The following C14orf39 variants were observed in gnomAD, a reference collection of about 807,000 sequenced individuals.
C14orf39 encodes the protein chromosome 14 open reading frame 39.
C14orf39 carries 66 observed loss-of-function variants against 85.6 expected under a neutral mutation model. The ratio of observed to expected loss-of-function variants is 0.77; its 90% CI spans 0.63 to 0.95. The LOEUF (loss-of-function observed/expected upper bound fraction) is 0.95, where lower values mean the gene tolerates loss of function less well. C14orf39 is among the 40% of genes least tolerant of loss of function. C14orf39 has a pLI of 0.00. For missense variants in C14orf39, 735 were observed against 663.9 expected (o/e 1.11, Z -1.18); for synonymous variants, 242 against 214.0 (o/e 1.13, Z -1.14).
chr14:60,462,731 G>A (rs1055184669), intron 11 of C14orf39, among the ~76,000 whole-genome samples: 5 of 151,934 alleles, frequency 3.3e-5, no homozygotes, highest in African/African-American at 1.2e-4. Flanking sequence ...CTCTGACTGC[G>A]GCCCAACACA....
chr14:60,501,373 T>G (rs1338589678), intron 1 of C14orf39, among the ~76,000 whole-genome samples: 1 of 143,300 alleles, frequency 7.0e-6, no homozygotes, highest in East Asian at 2.2e-4. Context: ...AGTTTTCACA[T>G]CCACACATCC....
upstream of C14orf39, among the ~76,000 whole-genome samples, chr14:60,488,517 T>C (rs1892938292): frequency 6.6e-6 from 1 of 152,194 alleles, no homozygotes; most frequent in Admixed American, 6.5e-5. Flanking sequence ...TCTGGGAAAG[T>C]ACTCCCACAA....
intron 1 of C14orf39, chr14:60,511,324 A>C: frequency 1.3e-6 from 2 of 1,511,210 alleles, no homozygotes; most frequent in Non-Finnish European, 1.8e-6. Flanking sequence ...AGAGGGGAAG[A>C]AGATGAGAGA....
At chr14:60,461,465 A>C in intron 12 of C14orf39, 43 bp downstream of exon 12, 1 of 1,571,028 alleles carries the variant, frequency 6.4e-7, no homozygotes, top group Non-Finnish European at 8.7e-7. Context: ...ATATCTATAA[A>C]TTATTTCAGA....
At chr14:60,459,833 TAGA>T (rs1210670018) in intron 13 of C14orf39, among the ~76,000 whole-genome samples, 2 of 151,768 alleles carry the variant, frequency 1.3e-5, no homozygotes, top group African/African-American at 4.8e-5. Flanking sequence ...TCTTCATTTG[TAGA>T]AGTTCTTTAC....
At chr14:60,446,147 A>G (rs138556009) in intron 16 of C14orf39, among the ~76,000 whole-genome samples, 2 of 152,330 alleles carry the variant, frequency 1.3e-5, no homozygotes, top group East Asian at 3.9e-4. Flanking sequence ...ATCAAAATTA[A>G]AAGAGCTAGA....
At position 60,483,813 on chromosome 14, in the gene C14orf39, G is replaced by A. The variant is rs1361033482; in HGVS notation, c.111C>T (p.Cys37=). The change falls in exon 4 of 18, where the codon TGC becomes TGT. Residue 37 remains cysteine (C), a synonymous_variant. Transcript: ENST00000321731. ...CTTTGTTTTCCTTAATATCTTCACA[G>A]CATTCTACAAAGAGAAAATGTTTAT... The part of the protein sequence containing the change: ...KEEMIQRINK[C]CEDIKENKVT... The A allele has an allele frequency of 2.7e-6, 4 of 1,489,012 alleles. No homozygotes were observed. The Admixed American group carries it at 5.6e-5, about 21-fold the overall frequency. 92.2% of individuals were successfully genotyped at this position (1,489,012 alleles called of 1,614,324 possible).
In C14orf39 at chr14:60,484,958, G is replaced by A; in HGVS notation, c.50-21C>T. ...GAAGACTAAAATAAATAATTATCTTGTGACTTCAATTCATTGTTAAAATAT... is the reference window on the plus strand; with the variant it reads ...GAAGACTAAAATAAATAATTATCTTATGACTTCAATTCATTGTTAAAATAT... On this transcript the variant is annotated intron_variant, in intron 2 of 17. Coordinates refer to ENST00000321731, the MANE Select transcript of C14orf39 (RefSeq NM_174978.3). This position sits in a 1 kb window ranked among gnomAD's most constrained non-coding sequence, Gnocchi z 4.2. 3 of 1,577,074 alleles carry A rather than the reference G, an allele frequency of 1.9e-6. No homozygotes were observed. The highest frequency in any genetic ancestry group is 2.6e-6 in the Non-Finnish European group (3 of 1,160,704).
At chr14:60,501,628 G>A (rs1893149977) in intron 1 of C14orf39, among the ~76,000 whole-genome samples, 1 of 152,206 alleles carries the variant, frequency 6.6e-6, no homozygotes, top group Non-Finnish European at 1.5e-5. Flanking sequence ...GCAGCCACAG[G>A]AAACAAATAC....
intron 17 of C14orf39, among the ~76,000 whole-genome samples, chr14:60,440,947 C>T: frequency 6.6e-6 from 1 of 152,152 alleles, no homozygotes; most frequent in Non-Finnish European, 1.5e-5. Context: ...TTCCTGACTC[C>T]TTGCAATACG....
intron 9 of C14orf39, 81 bp from the exon 10 acceptor site, chr14:60,467,125 C>T (rs1171527423): frequency 9.2e-6 from 6 of 653,822 alleles, no homozygotes; most frequent in East Asian, 3.8e-5. Flanking sequence ...TATTTAGATA[C>T]TATATAATAA....
chr14:60,440,228 T>C (rs544277470), intron 17 of C14orf39, among the ~76,000 whole-genome samples: 1 of 152,346 alleles, frequency 6.6e-6, no homozygotes, highest in Non-Finnish European at 1.5e-5. Flanking sequence ...GAAATTCATA[T>C]GTACAATTTC....
chr14:60,514,289 C>T (rs1020094984), intron 1 of C14orf39, among the ~76,000 whole-genome samples: 1 of 152,160 alleles, frequency 6.6e-6, no homozygotes, highest in Non-Finnish European at 1.5e-5. Context: ...TTGGCAAAAT[C>T]TCTATATAAT....
At chr14:60,510,808 G>T (rs1260851887) in intron 1 of C14orf39, among the ~76,000 whole-genome samples, 1 of 152,220 alleles carries the variant, frequency 6.6e-6, no homozygotes, top group African/African-American at 2.4e-5. Flanking sequence ...CAACAAACAG[G>T]GAGGACACTG....
intron 5 of C14orf39, among the ~76,000 whole-genome samples, chr14:60,476,237 C>A (rs1054061723): frequency 1.3e-5 from 2 of 152,162 alleles, no homozygotes; most frequent in Non-Finnish European, 2.9e-5. Flanking sequence ...GTCACCAGTT[C>A]CAGGTGAGAT....
chr14:60,441,288 T>A (rs1448569241), intron 17 of C14orf39, among the ~76,000 whole-genome samples: 1 of 152,170 alleles, frequency 6.6e-6, no homozygotes, highest in Non-Finnish European at 1.5e-5. Context: ...TGTTTCAAGG[T>A]GACCTACATG....
At chr14:60,442,286 C>T (rs1890557001) in intron 16 of C14orf39, among the ~76,000 whole-genome samples, 155 bp from the exon 17 acceptor site, 1 of 152,154 alleles carries the variant, frequency 6.6e-6, no homozygotes, top group South Asian at 2.1e-4. Context: ...TTAAAAAGAT[C>T]TATCTTCAAA....
intron 17 of C14orf39, among the ~76,000 whole-genome samples, chr14:60,440,045 A>T (rs556954713): frequency 6.6e-6 from 1 of 152,360 alleles, no homozygotes; most frequent in Non-Finnish European, 1.5e-5. Context: ...ATTGCACTCC[A>T]GCCTGGGCAA....
Position 60,503,134 on chromosome 14 carries a change from A to G in C14orf39, c.-143-3704T>C, listed in dbSNP as rs191730859. Among the ~76,000 whole-genome samples the G allele has an allele frequency of 1.3e-4, 20 of 152,342 alleles. No individual in the cohort carries two copies. In the East Asian group the frequency reaches 3.3e-3, roughly 25 times the overall value. On this transcript the variant is annotated intron_variant, in intron 1 of 5. Transcript: ENST00000556799. ...CCAATCTCTTTTCCTTAGAGGCTGCATTCAGTTCCATTTTTCCTGCCAATA... is the reference window on the plus strand; with the variant it reads ...CCAATCTCTTTTCCTTAGAGGCTGCGTTCAGTTCCATTTTTCCTGCCAATA...
Sources: allele counts gnomAD v4.1 joint callset (sites outside exome capture counted in the v4.1 genomes callset), GRCh38; gene constraint gnomAD v4.1.1; non-coding constraint Gnocchi (gnomAD v3.1); transcripts MANE v1.5; gene names NCBI Gene and HGNC (gene_info 2026-07-23, HGNC 2026-07-21).